The following GLS variants were observed in gnomAD, a reference collection of about 807,000 sequenced individuals.
GLS encodes the protein glutaminase kidney isoform, mitochondrial.
Under a neutral mutation model 86.7 loss-of-function variants are expected in GLS, and 36 were observed. That is an observed-to-expected ratio of 0.42 (90% CI 0.32 to 0.55). The LOEUF (loss-of-function observed/expected upper bound fraction) is 0.55. GLS is among the 20% of genes least tolerant of loss of function. The probability of loss-of-function intolerance (pLI) is 0.17; values close to 1 mark genes in which losing one functional copy is unlikely to be tolerated. For missense variants in GLS, 528 were observed against 833.4 expected, an observed-to-expected ratio of 0.63 and a Z score of 4.51; for synonymous variants, 317 against 305.9, an observed-to-expected ratio of 1.04 and a Z score of -0.38.
Position 190,921,068 on chromosome 2 carries a change from A to G in GLS, c.1071+12A>G, listed in dbSNP as rs779323188. 6.3e-7 allele frequency: 1 copy of G among 1,584,904 alleles called. No homozygotes were observed. Among genetic ancestry groups the G allele is most frequent in the Admixed American group, 1.7e-5 (1 of 59,850 alleles). On this transcript the variant is annotated intron_variant, in intron 8 of 17. Transcript: ENST00000320717. This position sits in a 1 kb window ranked among gnomAD's most constrained non-coding sequence, Gnocchi z 4.2. ...AAAAATTTGACTATGTAAGTGCAAC[A>G]TGTCATTCAGTTTTCATGCCACATT...
rs566681701 is a variant in GLS at position 190,909,114 on chromosome 2, T to C, written c.980-1149T>C. Reference sequence around the variant, plus strand: ...GCAAATCTTGATTGTAATAATCAGATATAACACAAAGATTTTATTTTAACT... The same window carrying C: ...GCAAATCTTGATTGTAATAATCAGACATAACACAAAGATTTTATTTTAACT... On this transcript the variant is annotated intron_variant, in intron 6 of 17. Transcript: ENST00000320717. Among the ~76,000 whole-genome samples, 253 of 152,338 alleles carry C rather than the reference T, an allele frequency of 1.7e-3. 1 individual carries two copies. The highest frequency in any genetic ancestry group is 5.9e-3 in the African/African-American group (244 of 41,584).
chr2:190,921,266 C>G lies in GLS; in HGVS notation c.1130+63C>G. 1 of 1,053,846 alleles carries G rather than the reference C, an allele frequency of 9.5e-7. No individual in the cohort carries two copies. The highest frequency in any genetic ancestry group is 1.5e-6 in the Non-Finnish European group (1 of 674,124). The allele number at this position is 1,053,846 out of a possible 1,614,324, so 65.3% of individuals were successfully genotyped here. On this transcript the variant is annotated intron_variant, in intron 9 of 17. Transcript: ENST00000320717. The surrounding 1 kb of genome is among the most constrained non-coding windows in gnomAD (Gnocchi z 4.2). ...CACAACTGTATTTAGAATTGATCCA[C>G]TCTCTTTTCATTGGAGGGAAATGAA... is the stretch of plus-strand genomic sequence containing the variant.
intron 3 of GLS, among the ~76,000 whole-genome samples, chr2:190,899,327 A>G (rs1238962318): frequency 2.0e-5 from 3 of 152,112 alleles, no homozygotes; most frequent in Non-Finnish European, 4.4e-5. Context: ...TAATTTTTTT[A>G]ATGTTGTAAT....
intron 7 of GLS, among the ~76,000 whole-genome samples, chr2:190,918,916 A>G (rs1244383638): frequency 6.6e-6 from 1 of 152,080 alleles, no homozygotes; most frequent in African/African-American, 2.4e-5. Context: ...TACAACATTT[A>G]TAGGTTAAGT....
At chr2:190,932,703 C>A (rs1281112680) in intron 14 of GLS, 1 of 1,576,238 alleles carries the variant, frequency 6.3e-7, no homozygotes. Context: ...ATGTATGTTG[C>A]TTGAACAACT....
At chr2:190,915,202 A>G (rs1399519412) in intron 7 of GLS, among the ~76,000 whole-genome samples, 3 of 147,610 alleles carry the variant, frequency 2.0e-5, no homozygotes, top group Non-Finnish European at 4.5e-5. Flanking sequence ...GGGTTTCACC[A>G]TGTTAGCCAG....
At chr2:190,922,614 T>C (rs1689776939) in intron 9 of GLS, among the ~76,000 whole-genome samples, 1 of 152,166 alleles carries the variant, frequency 6.6e-6, no homozygotes, top group Non-Finnish European at 1.5e-5. Flanking sequence ...TGGCAGATAA[T>C]AGGCACTTGA....
Position 190,924,203 on chromosome 2 carries a change from T to A in GLS, c.1197+220T>A, listed in dbSNP as rs181638059. On this transcript the variant is annotated intron_variant, in intron 10 of 17. Transcript: ENST00000320717. The surrounding 1 kb of genome is among the most constrained non-coding windows in gnomAD (Gnocchi z 5.2). Reference sequence around the variant, plus strand: ...GCATTTAAATATTTGACTCATATTATTTATTAATACAAATTTTGTTTGAGG... The same window carrying A: ...GCATTTAAATATTTGACTCATATTAATTATTAATACAAATTTTGTTTGAGG... 4.6e-5 allele frequency among the ~76,000 whole-genome samples: 7 copies of A among 152,286 alleles called. No individual in the cohort carries two copies. The East Asian group carries it at 1.3e-3, about 29-fold the overall frequency.
chr2:190,893,271 A>G (rs1240197194), intron 1 of GLS, among the ~76,000 whole-genome samples: 1 of 152,190 alleles, frequency 6.6e-6, no homozygotes, highest in Non-Finnish European at 1.5e-5. Context: ...TTAGAGAGCC[A>G]GTATAATGTA....
intron 4 of GLS, among the ~76,000 whole-genome samples, chr2:190,901,228 A>G (rs1189305573): frequency 1.3e-5 from 2 of 152,246 alleles, no homozygotes; most frequent in East Asian, 3.9e-4. Flanking sequence ...AACTACTGTT[A>G]TAAGCGTTAC....
At chr2:190,906,589 A>AC (rs1689144604) in intron 6 of GLS, among the ~76,000 whole-genome samples, 1 of 152,220 alleles carries the variant, frequency 6.6e-6, no homozygotes, top group Non-Finnish European at 1.5e-5. Flanking sequence ...CTCGATATTC[A>AC]TAGACGTTTT....
In GLS at chr2:190,900,649, A is replaced by G. The variant is rs764111197; in HGVS notation, c.691A>G (p.Ile231Val). The G allele has an allele frequency of 8.1e-6, 13 of 1,605,684 alleles. No homozygotes were observed. The highest frequency in any genetic ancestry group is 1.1e-5 in the Non-Finnish European group (13 of 1,173,012). The part of the protein sequence containing the change: ...IPDFMSFTSH[I>V]DELYESAKKQ... Reference sequence around the variant, plus strand: ...TGACTTTATGTCTTTTACCTCACACATTGATGAGTTATATGAAAGTGCTAA... The same window carrying G: ...TGACTTTATGTCTTTTACCTCACACGTTGATGAGTTATATGAAAGTGCTAA... The change falls in exon 4 of 18, where the codon ATT becomes GTT. Residue 231 changes from isoleucine (I) to valine (V), a missense_variant. This residue lies in a region of GLS where 111 missense variants were observed against 179.5 expected (regional missense o/e 0.62). Transcript: ENST00000320717.
At chr2:190,927,259 AG>A (rs767807378) in intron 11 of GLS, 46 bp from the exon 12 acceptor site, 11 of 1,322,890 alleles carry the variant, frequency 8.3e-6, no homozygotes, top group Non-Finnish European at 1.2e-5. Flanking sequence ...AAAAGTGAAC[AG>A]TAATATTAAA....
At chr2:190,946,984 C>A (rs1481699854) in intron 14 of GLS, among the ~76,000 whole-genome samples, 1 of 152,016 alleles carries the variant, frequency 6.6e-6, no homozygotes, top group African/African-American at 2.4e-5. Flanking sequence ...TAAAATATAT[C>A]TATCAACATA....
rs1464429985 is a variant in GLS at position 190,963,763 on chromosome 2, G to GA, written c.*781dup. 1.3e-5 allele frequency: 2 copies of GA among 152,486 alleles called. No individual in the cohort carries two copies. Among genetic ancestry groups the GA allele is most frequent in the African/African-American group, 4.8e-5 (2 of 41,432 alleles). 9.4% of individuals were successfully genotyped at this position (152,486 alleles called of 1,614,324 possible). A position where few individuals can be genotyped will look rare whatever the true frequency, so the allele number is the denominator to read the frequency against. On this transcript the variant is annotated 3_prime_UTR_variant, in exon 18 of 18. Transcript: ENST00000320717. ...TTTTTATGTTTTCCATAGTAAGTCA[G>GA]AAAATGCCTCCTATTTCTGGCATCA...
At chr2:190,893,848 G>C (rs1017959529) in intron 1 of GLS, among the ~76,000 whole-genome samples, 1 of 152,182 alleles carries the variant, frequency 6.6e-6, no homozygotes, top group African/African-American at 2.4e-5. Flanking sequence ...GCCTCCCAAA[G>C]TGCTGGGATT....
At chr2:190,909,864 A>T (rs1416932556) in intron 6 of GLS, among the ~76,000 whole-genome samples, 12 of 152,086 alleles carry the variant, frequency 7.9e-5, no homozygotes, top group Non-Finnish European at 1.8e-4. Flanking sequence ...CAACATAGGG[A>T]GATCCTGTCT....
chr2:190,880,900 G>GCAC lies in GLS; in HGVS notation c.-183_-182insCCA. The GCAC allele has an allele frequency of 2.2e-6, 2 of 900,350 alleles. No individual in the cohort carries two copies. The highest frequency in any genetic ancestry group is 3.4e-6 in the Non-Finnish European group (2 of 585,594). The allele number at this position is 900,350 out of a possible 1,614,324, so 55.8% of individuals were successfully genotyped here. ...AGCAGCAGCAGCAGCAGCAGCAGCA[G>GCAC]CAGCAGCAGCAGCAGCAGCACCCGC... On this transcript the variant is annotated 5_prime_UTR_variant, in exon 1 of 18. Transcript: ENST00000320717.
At chr2:190,929,497 T>C (rs1203057873) in intron 12 of GLS, among the ~76,000 whole-genome samples, 1 of 151,206 alleles carries the variant, frequency 6.6e-6, no homozygotes. Context: ...TGAGATGGAG[T>C]CTTGCTTCGT....
Sources: gnomAD v4.1 joint callset for allele counts (sites outside exome capture counted in the v4.1 genomes callset) on GRCh38, gnomAD v4.1.1 for gene constraint, gnomAD v4.1.1 regional missense constraint, Gnocchi (gnomAD v3.1) non-coding constraint, MANE v1.5 for transcripts, NCBI Gene and HGNC (gene_info 2026-07-23, HGNC 2026-07-21) for gene names.